The following ARHGAP12 variants were observed in gnomAD, a reference collection of about 807,000 sequenced individuals.
ARHGAP12 encodes the protein rho GTPase-activating protein 12.
A neutral mutation model predicts 108.6 loss-of-function variants in ARHGAP12; 64 were observed. The ratio of observed to expected loss-of-function variants is 0.59; its 90% confidence interval spans 0.48 to 0.73. The LOEUF (loss-of-function observed/expected upper bound fraction) is 0.73, where lower values mean the gene tolerates loss of function less well. Among genes scored for constraint, ARHGAP12 ranks in the 30% least tolerant of loss-of-function variants. The pLI is 0.00. For synonymous variants in ARHGAP12, 312 were observed against 337.2 expected, an observed-to-expected ratio of 0.93 and a Z score of 0.82; for missense variants, 940 against 1,005.9, an observed-to-expected ratio of 0.93 and a Z score of 0.89.
At chr10:31,894,049 C>G (rs981667804) in intron 3 of ARHGAP12, among the ~76,000 whole-genome samples, 2 of 152,060 alleles carry the variant, frequency 1.3e-5, no homozygotes, top group South Asian at 2.1e-4. Flanking sequence ...ATTCAACAGC[C>G]CTTCATGCTA....
chr10:31,872,369 C>G (rs577465515), intron 3 of ARHGAP12, among the ~76,000 whole-genome samples: 1 of 152,224 alleles, frequency 6.6e-6, no homozygotes, highest in East Asian at 1.9e-4. Context: ...CCACATATAC[C>G]TCAAACTCAC....
chr10:31,851,346 T>C (rs1400468180), intron 6 of ARHGAP12, among the ~76,000 whole-genome samples: 1 of 152,146 alleles, frequency 6.6e-6, no homozygotes, highest in Non-Finnish European at 1.5e-5. Flanking sequence ...ATGTGACAAG[T>C]TTTTTAAACT....
chr10:31,817,728 T>C, intron 13 of ARHGAP12, 60 bp downstream of exon 13: 1 of 1,114,824 alleles, frequency 9.0e-7, no homozygotes, highest in South Asian at 1.4e-5. Flanking sequence ...CAATAAGCAA[T>C]TAAAAAAAAA....
intron 3 of ARHGAP12, among the ~76,000 whole-genome samples, chr10:31,866,676 C>T (rs1408194930): frequency 6.6e-6 from 1 of 152,000 alleles, no homozygotes; most frequent in African/African-American, 2.4e-5. Context: ...AGTGTAATGG[C>T]ACAATCTCGG....
At chr10:31,853,495 A>T (rs1049424751) in intron 5 of ARHGAP12, among the ~76,000 whole-genome samples, 4 of 152,232 alleles carry the variant, frequency 2.6e-5, no homozygotes, top group African/African-American at 9.6e-5. Context: ...TCTAATGTCA[A>T]ATAATTGAGG....
intron 1 of ARHGAP12, 109 bp downstream of exon 1, chr10:31,928,573 TC>T: frequency 2.0e-5 from 3 of 149,226 alleles, no homozygotes; most frequent in South Asian, 1.8e-4. Flanking sequence ...CGCACACGCC[TC>T]CCCCCGACTC....
intron 13 of ARHGAP12, among the ~76,000 whole-genome samples, chr10:31,816,832 A>G (rs1459555899): frequency 1.3e-5 from 2 of 152,248 alleles, no homozygotes; most frequent in Non-Finnish European, 2.9e-5. Flanking sequence ...GGTTTCAGGA[A>G]TAAACGGAAA....
intron 3 of ARHGAP12, among the ~76,000 whole-genome samples, chr10:31,869,223 T>C (rs1592313871): frequency 6.6e-6 from 1 of 151,896 alleles, no homozygotes; most frequent in Admixed American, 6.6e-5. Context: ...CAAAAACAAA[T>C]GGAATTTTCA....
chr10:31,867,468 A>G (rs1021114116), intron 3 of ARHGAP12, among the ~76,000 whole-genome samples: 8 of 152,228 alleles, frequency 5.3e-5, no homozygotes, highest in Non-Finnish European at 1.0e-4. Context: ...AGCATAAAAT[A>G]CCAAACTAAT....
chr10:31,854,198 T>A lies in ARHGAP12; in HGVS notation c.957A>T (p.Ser319=), dbSNP rs764019439. 5 of 1,604,380 alleles carry A rather than the reference T, an allele frequency of 3.1e-6. No homozygotes were observed. In the East Asian group the frequency reaches 8.9e-5, roughly 29 times the overall value. ...FQNPGDQELL[S]SEENYYSTSY... ...AAGTGCTGTAGTAGTTTTCTTCCGA[T>A]GAAAGAAGCTACAAATAGTCAGAAA... The change falls in exon 5 of 20, where the codon TCA becomes TCT. Residue 319 remains serine, a synonymous_variant. Coordinates refer to ENST00000344936, the MANE Select transcript of ARHGAP12 (RefSeq NM_018287.7).
intron 3 of ARHGAP12, 143 bp from the exon 4 acceptor site, chr10:31,861,801 TTA>T: frequency 2.4e-6 from 2 of 828,820 alleles, no homozygotes; most frequent in Non-Finnish European, 3.5e-6. Context: ...AAATAATAAT[TTA>T]ACAGTTTTAA....
intron 3 of ARHGAP12, among the ~76,000 whole-genome samples, chr10:31,894,242 A>G (rs1838580553): frequency 6.6e-6 from 1 of 152,154 alleles, no homozygotes; most frequent in Non-Finnish European, 1.5e-5. Flanking sequence ...TGGAAGTTCT[A>G]GCCAGGGCAA....
At chr10:31,866,775 C>A (rs1365436502) in intron 3 of ARHGAP12, among the ~76,000 whole-genome samples, 1 of 152,024 alleles carries the variant, frequency 6.6e-6, no homozygotes, top group Non-Finnish European at 1.5e-5. Context: ...GCCACCATGC[C>A]CGGCTAATTT....
In ARHGAP12 at chr10:31,861,641, A is replaced by C; in HGVS notation, c.702T>G (p.Asn234Lys). The C allele has an allele frequency of 6.2e-7, 1 of 1,605,174 alleles. No homozygotes were observed. Among genetic ancestry groups the C allele is most frequent in the Non-Finnish European group, 8.5e-7 (1 of 1,176,706 alleles). The change falls in exon 4 of 20, where the codon AAT becomes AAG. Residue 234 changes from asparagine (N) to lysine (K), a missense_variant. Coordinates refer to ENST00000344936, the MANE Select transcript of ARHGAP12 (RefSeq NM_018287.7). The stretch of plus-strand genomic sequence containing the variant: ...AGACAGGAGAATCTGGCCTTCCTTG[A>C]TTTGGAGGTGTGGTTGCCTGTGAAA... ...TEQIRATTPP[N>K]QGRPDSPVYA...
rs1564364138 is a variant in ARHGAP12 at position 31,811,575 on chromosome 10, CTG to C, written c.1952-830_1952-829del. 2.7e-5 allele frequency among the ~76,000 whole-genome samples: 4 copies of C among 147,842 alleles called. No individual in the cohort carries two copies. The East Asian group carries it at 7.9e-4, about 29-fold the overall frequency. On this transcript the variant is annotated intron_variant, in intron 15 of 19. Transcript: ENST00000344936. ...TTTTTTTTTTAAGTTTTTAAAGACT[CTG>C]AACTCATCATACAAATTCAAATGCT...
At chr10:31,843,785 T>C (rs933570653) in intron 6 of ARHGAP12, among the ~76,000 whole-genome samples, 199 bp from the exon 7 acceptor site, 1 of 152,206 alleles carries the variant, frequency 6.6e-6, no homozygotes, top group African/African-American at 2.4e-5. Context: ...CAGACTCTGG[T>C]GTTACACAGA....
chr10:31,850,543 G>A (rs1313031477), intron 6 of ARHGAP12, among the ~76,000 whole-genome samples: 5 of 152,008 alleles, frequency 3.3e-5, no homozygotes. Flanking sequence ...CAATTTTGAA[G>A]AGCAGTATCT....
chr10:31,830,358 G>A (rs901533342), intron 10 of ARHGAP12, among the ~76,000 whole-genome samples: 11 of 151,500 alleles, frequency 7.3e-5, no homozygotes, highest in African/African-American at 2.7e-4. Context: ...AATATAAATT[G>A]AAAAAAGTAT....
At chr10:31,876,684 C>T (rs1233634086) in intron 3 of ARHGAP12, among the ~76,000 whole-genome samples, 1 of 152,112 alleles carries the variant, frequency 6.6e-6, no homozygotes, top group Non-Finnish European at 1.5e-5. Flanking sequence ...AGTTGACCTT[C>T]CTTAAGTTCA....
Sources: gnomAD v4.1 joint callset for allele counts (sites outside exome capture counted in the v4.1 genomes callset) on GRCh38, gnomAD v4.1.1 for gene constraint, MANE v1.5 for transcripts, NCBI Gene and HGNC (gene_info 2026-07-23, HGNC 2026-07-21) for gene names.